The following SLCO1B3 variants were observed in gnomAD, a reference collection of about 807,000 sequenced individuals.
The protein encoded by SLCO1B3 is liver-specific organic anion transporter 2.
Under a neutral mutation model 71.8 loss-of-function variants are expected in SLCO1B3, and 72 were observed. The observed-to-expected ratio is 1.00, with a 90% CI of 0.83 to 1.22. The LOEUF (loss-of-function observed/expected upper bound fraction) is 1.22. SLCO1B3 is among the 50% of genes most tolerant of loss of function. The probability of loss-of-function intolerance (pLI) is 0.00; values close to 1 mark genes in which losing one functional copy is unlikely to be tolerated. For synonymous variants in SLCO1B3, 298 were observed against 278.4 expected (o/e 1.07, Z -0.70); for missense variants, 911 against 819.7 (o/e 1.11, Z -1.36).
Position 20,823,826 on chromosome 12 carries a change from A to G in SLCO1B3, c.84+8004A>G, listed in dbSNP as rs375621311. ...GACCAGTCAAAAAGTGACATTCTTT[A>G]CTTACCACAGGTCATGACCCTGTAA... On this transcript the variant is annotated intron_variant, in intron 3 of 15. Coordinates refer to ENST00000381545, the MANE Select transcript of SLCO1B3 (RefSeq NM_019844.4). Among the ~76,000 whole-genome samples, 164 of 152,270 alleles carry G rather than the reference A, an allele frequency of 1.1e-3. 4 individuals carry two copies. In the South Asian group the frequency reaches 0.033, roughly 31 times the overall value.
At chr12:20,829,880 G>A (rs1039641133) in intron 3 of SLCO1B3, among the ~76,000 whole-genome samples, 2 of 152,096 alleles carry the variant, frequency 1.3e-5, no homozygotes, top group African/African-American at 2.4e-5. Flanking sequence ...CTGTCATGGC[G>A]CTGGTGGGAG....
At chr12:20,867,705 A>T (rs1865400796) in intron 8 of SLCO1B3, among the ~76,000 whole-genome samples, 1 of 152,240 alleles carries the variant, frequency 6.6e-6, no homozygotes, top group South Asian at 2.1e-4. Context: ...ACTGAAATGA[A>T]AGCAAACAGT....
At position 20,904,755 on chromosome 12, in the gene SLCO1B3, C is replaced by CTT. The variant is rs775996155; in HGVS notation, c.1865+3320_1865+3321dup. Among the ~76,000 whole-genome samples the CTT allele has an allele frequency of 3.2e-4, 18 of 56,112 alleles. 2 individuals carry two copies. The highest frequency in any genetic ancestry group is 1.2e-3 in the African/African-American group (14 of 11,272). The allele number at this position is 56,112 out of a possible 152,430, so 36.8% of individuals were successfully genotyped here. A position where few individuals can be genotyped will look rare whatever the true frequency, so the allele number is the denominator to read the frequency against. On this transcript the variant is annotated intron_variant, in intron 15 of 15. Coordinates refer to ENST00000381545, the MANE Select transcript of SLCO1B3 (RefSeq NM_019844.4). ...GCAGACTTCTGCCTGGACATCCAGGCTTTTTTTTTTTTTTTTTTTTTTTTT... is the reference window on the plus strand; with the variant it reads ...GCAGACTTCTGCCTGGACATCCAGGCTTTTTTTTTTTTTTTTTTTTTTTTTTT...
chr12:20,834,403 T>G (rs1864626940), intron 3 of SLCO1B3, among the ~76,000 whole-genome samples: 1 of 146,324 alleles, frequency 6.8e-6, no homozygotes, highest in African/African-American at 2.5e-5. Flanking sequence ...AGGTTATATA[T>G]AATATAACCT....
intron 15 of SLCO1B3, among the ~76,000 whole-genome samples, chr12:20,906,187 G>T (rs1007787100): frequency 1.3e-5 from 2 of 152,068 alleles, no homozygotes; most frequent in African/African-American, 4.8e-5. Context: ...TGAGCTATCA[G>T]CCTACAAAAA....
At chr12:20,901,825 C>A in intron 15 of SLCO1B3, 1 of 384,708 alleles carries the variant, frequency 2.6e-6, no homozygotes, top group South Asian at 1.9e-5. Context: ...ACAGAATGAC[C>A]AGCTGCAGCT....
intron 3 of SLCO1B3, among the ~76,000 whole-genome samples, chr12:20,826,478 C>A (rs905248300): frequency 2.0e-5 from 3 of 151,850 alleles, no homozygotes; most frequent in South Asian, 2.1e-4. Context: ...TGAATTAATT[C>A]TTTTTTAATA....
intron 15 of SLCO1B3, among the ~76,000 whole-genome samples, chr12:20,904,189 G>A (rs891914929): frequency 3.4e-5 from 5 of 148,434 alleles, no homozygotes; most frequent in African/African-American, 5.0e-5. Flanking sequence ...GCAGTGGGCC[G>A]AGATCACACC....
At chr12:20,901,214 G>C in intron 14 of SLCO1B3, 136 bp from the exon 15 acceptor site, 1 of 628,140 alleles carries the variant, frequency 1.6e-6, no homozygotes, top group Non-Finnish European at 2.8e-6. Context: ...TTCCTGGGTG[G>C]ATGTAAGCCA....
chr12:20,821,461 T>C (rs11045528), intron 3 of SLCO1B3, among the ~76,000 whole-genome samples: 138,393 of 152,044 alleles, frequency 0.91, 63,670 homozygotes, highest in Non-Finnish European at 0.97. Flanking sequence ...TGGAAGCTAG[T>C]CCATAGTGAA....
At chr12:20,881,159 C>T (rs1865687166) in intron 12 of SLCO1B3, 139 bp downstream of exon 12, 5 of 591,252 alleles carry the variant, frequency 8.5e-6, no homozygotes, top group African/African-American at 1.9e-5. Flanking sequence ...TATCTGTCCT[C>T]GTGATAGCTG....
chr12:20,849,152 A>G (rs1051030241), intron 3 of SLCO1B3, among the ~76,000 whole-genome samples: 4 of 152,018 alleles, frequency 2.6e-5, no homozygotes, highest in African/African-American at 9.7e-5. Flanking sequence ...TCTATTAAGT[A>G]TATTAAAAAA....
At position 20,850,389 on chromosome 12, in the gene SLCO1B3, C is replaced by G. The variant is rs900580830; in HGVS notation, c.85-4639C>G. ...CTGCCTCCCGGGATCACGCCATTCTCCTGCCTCAGCCTCCTGAGTAGCTGG... is the reference window on the plus strand; with the variant it reads ...CTGCCTCCCGGGATCACGCCATTCTGCTGCCTCAGCCTCCTGAGTAGCTGG... On this transcript the variant is annotated intron_variant, in intron 3 of 15. Coordinates refer to ENST00000381545, the MANE Select transcript of SLCO1B3 (RefSeq NM_019844.4). Among the ~76,000 whole-genome samples the G allele has an allele frequency of 8.6e-5, 13 of 151,820 alleles. No homozygotes were observed. The East Asian group carries it at 2.5e-3, about 30-fold the overall frequency.
At chr12:20,880,780 C>G in intron 11 of SLCO1B3, 75 bp from the exon 12 acceptor site, 9 of 983,002 alleles carry the variant, frequency 9.2e-6, no homozygotes, top group Non-Finnish European at 1.3e-5. Context: ...CTCCTTATCC[C>G]CTTGTCTCCC....
At chr12:20,840,418 G>T (rs911791419) in intron 3 of SLCO1B3, among the ~76,000 whole-genome samples, 1 of 145,760 alleles carries the variant, frequency 6.9e-6, no homozygotes, top group African/African-American at 2.6e-5. Context: ...TTGAGATGGA[G>T]TCTCACTCTG....
At chr12:20,849,506 C>T (rs1864980408) in intron 3 of SLCO1B3, among the ~76,000 whole-genome samples, 1 of 152,008 alleles carries the variant, frequency 6.6e-6, no homozygotes, top group Non-Finnish European at 1.5e-5. Context: ...CAAGAATATT[C>T]ATTTTTACTA....
rs141112203 is a variant in SLCO1B3 at position 20,891,215 on chromosome 12, T to G, written c.1683-7221T>G. Among the ~76,000 whole-genome samples the G allele has an allele frequency of 5.5e-3, 833 of 152,252 alleles. 12 individuals are homozygous for G. The highest frequency in any genetic ancestry group is 0.02 in the African/African-American group (813 of 41,560). The stretch of plus-strand genomic sequence containing the variant: ...GCCTTTCTTGTAGAGTCAGTCTGTT[T>G]GCGACAAATTCCCTTAGTGTTTGCT... On this transcript the variant is annotated intron_variant, in intron 13 of 15. Transcript: ENST00000381545.
chr12:20,900,615 C>T (rs1866110118), intron 14 of SLCO1B3, among the ~76,000 whole-genome samples: 1 of 152,166 alleles, frequency 6.6e-6, no homozygotes, highest in South Asian at 2.1e-4. Flanking sequence ...CCATTGTGCA[C>T]TAACAGACCA....
chr12:20,847,446 A>G (rs1864941115), intron 3 of SLCO1B3, among the ~76,000 whole-genome samples: 1 of 152,130 alleles, frequency 6.6e-6, no homozygotes, highest in Admixed American at 6.5e-5. Context: ...GGGTACGAGT[A>G]GAAGCTAGCT....
Sources: gnomAD v4.1 joint callset for allele counts (sites outside exome capture counted in the v4.1 genomes callset) on GRCh38, gnomAD v4.1.1 for gene constraint, MANE v1.5 for transcripts, NCBI Gene and HGNC (gene_info 2026-07-23, HGNC 2026-07-21) for gene names.